The following DNAH6 variants were observed in gnomAD, a reference collection of about 807,000 sequenced individuals.
DNAH6 encodes the protein axonemal beta dynein heavy chain 6.
Under a neutral mutation model 491.4 loss-of-function variants are expected in DNAH6, and 340 were observed. The observed-to-expected ratio is 0.69, with a 90% CI of 0.63 to 0.76. The LOEUF (loss-of-function observed/expected upper bound fraction) is 0.76, where lower values mean the gene tolerates loss of function less well. Ranked by LOEUF, DNAH6 falls within the 30% of genes least tolerant of loss-of-function variation. The probability of loss-of-function intolerance (pLI) is 0.00; values close to 1 mark genes in which losing one functional copy is unlikely to be tolerated. For synonymous variants in DNAH6, 1,603 were observed against 1,686.1 expected (o/e 0.95, Z 1.21); for missense variants, 4,443 against 4,972.2 (o/e 0.89, Z 3.20).
At chr2:84,479,957 G>A in the DNAH6 span, among the ~76,000 whole-genome samples, 1 of 152,200 alleles carries the variant, frequency 6.6e-6, no homozygotes, top group East Asian at 1.9e-4. Flanking sequence ...ATATAGCTGT[G>A]AAATTAGTGA....
chr2:84,735,433 C>G (rs1045765307), intron 62 of DNAH6, among the ~76,000 whole-genome samples: 18 of 152,100 alleles, frequency 1.2e-4, no homozygotes, highest in Non-Finnish European at 2.1e-4. Flanking sequence ...GTGGGTCAAA[C>G]GTTAATTCTA....
At chr2:84,803,113 A>C (rs1487077086) in intron 70 of DNAH6, among the ~76,000 whole-genome samples, 3 of 152,250 alleles carry the variant, frequency 2.0e-5, no homozygotes, top group South Asian at 2.1e-4. Flanking sequence ...AAAGGTATTA[A>C]TAGAAAGACC....
the DNAH6 span, chr2:84,460,165 A>C: frequency 1.3e-5 from 2 of 152,348 alleles, no homozygotes; most frequent in Non-Finnish European, 2.9e-5. Context: ...TGTCAATAAA[A>C]TTGCAATCCT....
intron 37 of DNAH6, among the ~76,000 whole-genome samples, chr2:84,668,095 C>T (rs191800431): frequency 4.2e-5 from 6 of 142,802 alleles, no homozygotes; most frequent in African/African-American, 1.0e-4. Context: ...TGTCGTGGGG[C>T]GGGGGGAGGT....
intron 59 of DNAH6, among the ~76,000 whole-genome samples, chr2:84,720,605 C>G (rs147226201): frequency 1.3e-5 from 2 of 152,158 alleles, no homozygotes; most frequent in African/African-American, 2.4e-5. Context: ...AATTCTTAAG[C>G]CTTTGAGGAG....
Position 84,672,487 on chromosome 2 carries a change from T to A in DNAH6, c.6612+3T>A. On this transcript the variant is annotated splice_donor_region_variant and intron_variant, in intron 40 of 76. Transcript: ENST00000389394. ...AACTGTTTTGGAAAGAAATACAGGT[T>A]ACTTTAGCTTTTAAATTACTTGGTG... The A allele has an allele frequency of 6.5e-7, 1 of 1,545,864 alleles. No individual in the cohort carries two copies. The highest frequency in any genetic ancestry group is 8.7e-7 in the Non-Finnish European group (1 of 1,144,404).
At chr2:84,512,224 A>G (rs1230809400), upstream of DNAH6, among the ~76,000 whole-genome samples, 1 of 152,192 alleles carries the variant, frequency 6.6e-6, no homozygotes, top group East Asian at 1.9e-4. Flanking sequence ...TGGATAATTC[A>G]TAAAGAACAA....
At chr2:84,531,842 C>A (rs555694623) in intron 4 of DNAH6, among the ~76,000 whole-genome samples, 3 of 151,800 alleles carry the variant, frequency 2.0e-5, no homozygotes, top group South Asian at 2.1e-4. Flanking sequence ...TTAAAAAAAA[C>A]CCTTAATAAT....
At chr2:84,497,788 A>G in the DNAH6 span, among the ~76,000 whole-genome samples, 1 of 152,244 alleles carries the variant, frequency 6.6e-6, no homozygotes, top group Non-Finnish European at 1.5e-5. Flanking sequence ...GCCTAACATT[A>G]GGATGAAAAT....
At chr2:84,565,518 AT>A (rs775274606) in intron 11 of DNAH6, among the ~76,000 whole-genome samples, 18 of 151,480 alleles carry the variant, frequency 1.2e-4, no homozygotes, top group Non-Finnish European at 2.7e-4. Flanking sequence ...GATCTTTTTT[AT>A]TTCTCTAGAA....
At chr2:84,806,522 G>A (rs1234348734) in intron 71 of DNAH6, among the ~76,000 whole-genome samples, 1 of 151,582 alleles carries the variant, frequency 6.6e-6, no homozygotes, top group African/African-American at 2.4e-5. Flanking sequence ...TGGAGGCTGA[G>A]GCAGGAGAAT....
chr2:84,497,598 T>C, the DNAH6 span, among the ~76,000 whole-genome samples: 1 of 152,182 alleles, frequency 6.6e-6, no homozygotes, highest in African/African-American at 2.4e-5. Context: ...AACCCAGAAT[T>C]TTAAGCCATT....
chr2:84,754,989 A>C (rs1486992908), intron 63 of DNAH6, among the ~76,000 whole-genome samples: 1 of 152,204 alleles, frequency 6.6e-6, no homozygotes, highest in Non-Finnish European at 1.5e-5. Context: ...TCAGAGAAGA[A>C]GTTTTATACT....
At position 84,752,717 on chromosome 2, in the gene DNAH6, C is replaced by T. The variant is rs184492663; in HGVS notation, c.10512+7468C>T. ...CATTTAACATAATATTTTAAAGATT[C>T]GTCTCTGTTGTATCAAGTGTCTGTA... On this transcript the variant is annotated intron_variant, in intron 63 of 76. Transcript: ENST00000389394. Among the ~76,000 whole-genome samples the T allele has an allele frequency of 4.0e-5, 6 of 151,812 alleles. No homozygotes were observed. In the East Asian group the frequency reaches 9.7e-4, roughly 24 times the overall value.
intron 22 of DNAH6, among the ~76,000 whole-genome samples, chr2:84,612,873 C>T (rs1157016027): frequency 1.3e-5 from 2 of 152,024 alleles, no homozygotes; most frequent in Non-Finnish European, 2.9e-5. Context: ...ACATGAACAT[C>T]TCTAGGGGGC....
At chr2:84,778,821 T>G (rs1164141260) in intron 64 of DNAH6, among the ~76,000 whole-genome samples, 1 of 152,194 alleles carries the variant, frequency 6.6e-6, no homozygotes, top group Non-Finnish European at 1.5e-5. Context: ...CTTTGCTGCA[T>G]CCCAGAGATT....
intron 4 of DNAH6, among the ~76,000 whole-genome samples, chr2:84,533,160 G>C (rs1214580276): frequency 2.6e-5 from 4 of 152,110 alleles, no homozygotes; most frequent in Non-Finnish European, 5.9e-5. Context: ...GCTTTGCCCT[G>C]CTCAGAGACA....
the DNAH6 span, among the ~76,000 whole-genome samples, chr2:84,479,414 T>G: frequency 6.6e-6 from 1 of 152,210 alleles, no homozygotes. Context: ...TTCTGAAGAC[T>G]TTTGCCCTAT....
At chr2:84,722,865 T>G in intron 60 of DNAH6, 61 bp downstream of exon 60, 1 of 1,025,370 alleles carries the variant, frequency 9.8e-7, no homozygotes, top group Non-Finnish European at 1.4e-6. Context: ...ACCTGTTGAA[T>G]TACTTCTTGC....
Sources: gnomAD v4.1 joint callset for allele counts (sites outside exome capture counted in the v4.1 genomes callset) on GRCh38, gnomAD v4.1.1 for gene constraint, MANE v1.5 for transcripts, NCBI Gene and HGNC (gene_info 2026-07-23, HGNC 2026-07-21) for gene names.